KCNMA1: variants seen among roughly 807,000 people sequenced by gnomAD.
The protein encoded by KCNMA1 is potassium calcium-activated channel subfamily M alpha 1.
Under a neutral mutation model 140.0 loss-of-function variants are expected in KCNMA1, and 29 were observed. The ratio of observed to expected loss-of-function variants is 0.21; its 90% CI spans 0.15 to 0.28. The LOEUF (loss-of-function observed/expected upper bound fraction) is 0.28. Among genes scored for constraint, KCNMA1 ranks in the 10% least tolerant of loss-of-function variants. The pLI is 1.00. For missense variants in KCNMA1, 880 were observed against 1,602.2 expected (o/e 0.55, Z 7.70); for synonymous variants, 612 against 611.9 (o/e 1.00, Z 0.00).
intron 2 of KCNMA1, among the ~76,000 whole-genome samples, chr10:77,387,960 T>C (rs2095675027): frequency 6.6e-6 from 1 of 152,172 alleles, no homozygotes; most frequent in South Asian, 2.1e-4. Context: ...TGTTTGCTGC[T>C]GAACCTTAAA....
At chr10:77,600,749 A>ACAC (rs148244744) in intron 1 of KCNMA1, among the ~76,000 whole-genome samples, 1 of 66,570 alleles carries the variant, frequency 1.5e-5, no homozygotes, top group Non-Finnish European at 3.5e-5. Context: ...TCCATCTCAA[A>ACAC]CACACACACA....
intron 23 of KCNMA1, among the ~76,000 whole-genome samples, chr10:76,941,026 A>AAAGC (rs2061918715): frequency 2.1e-5 from 1 of 47,050 alleles, no homozygotes; most frequent in Non-Finnish European, 4.8e-5. Flanking sequence ...AGGAAGAAAG[A>AAAGC]AAGAAAGAAA....
At chr10:77,197,190 C>T (rs184689284) in intron 3 of KCNMA1, among the ~76,000 whole-genome samples, 81 of 152,252 alleles carry the variant, frequency 5.3e-4, no homozygotes, top group African/African-American at 1.8e-3. Flanking sequence ...ACTATGAAAA[C>T]GATCAATAAT....
At chr10:76,939,989 A>C (rs1369812335) in intron 23 of KCNMA1, among the ~76,000 whole-genome samples, 1 of 152,252 alleles carries the variant, frequency 6.6e-6, no homozygotes, top group Non-Finnish European at 1.5e-5. Flanking sequence ...AAGGGAAGTG[A>C]CAGGCACTCT....
chr10:77,008,140 CAG>C (rs1420777579), intron 18 of KCNMA1: 19 of 1,518,982 alleles, frequency 1.3e-5, no homozygotes, highest in Non-Finnish European at 1.6e-5. Context: ...TAGAGAAAGA[CAG>C]GGGGAACTGG....
At chr10:77,618,588 G>A (rs1024970435) in intron 1 of KCNMA1, among the ~76,000 whole-genome samples, 1 of 152,168 alleles carries the variant, frequency 6.6e-6, no homozygotes, top group Non-Finnish European at 1.5e-5. Flanking sequence ...ATAGCTACTG[G>A]TTCTTCAGGA....
chr10:77,386,541 T>C (rs2095609998), intron 2 of KCNMA1, among the ~76,000 whole-genome samples: 1 of 152,234 alleles, frequency 6.6e-6, no homozygotes, highest in Non-Finnish European at 1.5e-5. Flanking sequence ...GAAGGCTTTG[T>C]CTGATACCAC....
At chr10:77,575,510 T>C (rs929362487) in intron 1 of KCNMA1, among the ~76,000 whole-genome samples, 4 of 152,304 alleles carry the variant, frequency 2.6e-5, no homozygotes, top group African/African-American at 9.6e-5. Context: ...AAGCCCACTT[T>C]CTGGTGTGCC....
chr10:77,120,283 G>C (rs1461198263), intron 6 of KCNMA1, among the ~76,000 whole-genome samples: 1 of 152,134 alleles, frequency 6.6e-6, no homozygotes, highest in East Asian at 1.9e-4. Flanking sequence ...CTGCAAGCCG[G>C]CAGGTCATCA....
At chr10:77,300,562 T>C (rs1373338625) in intron 2 of KCNMA1, among the ~76,000 whole-genome samples, 1 of 152,234 alleles carries the variant, frequency 6.6e-6, no homozygotes, top group Non-Finnish European at 1.5e-5. Flanking sequence ...TGTTAATACA[T>C]ACTTAATAGA....
chr10:77,208,322 A>G (rs1371969615), intron 3 of KCNMA1, among the ~76,000 whole-genome samples: 3 of 152,142 alleles, frequency 2.0e-5, no homozygotes, highest in Non-Finnish European at 2.9e-5. Context: ...TGACCTCAAC[A>G]GGCATTAAAC....
intron 1 of KCNMA1, among the ~76,000 whole-genome samples, chr10:77,589,183 A>T (rs1445147830): frequency 6.6e-6 from 1 of 152,216 alleles, no homozygotes; most frequent in Non-Finnish European, 1.5e-5. Context: ...TACTTATAAA[A>T]CAAGAGAGGT....
intron 1 of KCNMA1, among the ~76,000 whole-genome samples, chr10:77,578,519 GGGA>G (rs2074933947): frequency 6.6e-6 from 1 of 152,212 alleles, no homozygotes; most frequent in Admixed American, 6.5e-5. Context: ...CCCCCAACGA[GGGA>G]GGAGGACTCT....
intron 3 of KCNMA1, among the ~76,000 whole-genome samples, chr10:77,218,408 G>T (rs2048482977): frequency 6.6e-6 from 1 of 152,174 alleles, no homozygotes; most frequent in Non-Finnish European, 1.5e-5. Context: ...TGCAAGACAT[G>T]CTCCATATTC....
At chr10:76,878,034 A>C in intron 29 of KCNMA1, 1 of 781,596 alleles carries the variant, frequency 1.3e-6, no homozygotes, top group Non-Finnish European at 2.2e-6. Flanking sequence ...TAAGAGAGAC[A>C]GTGCAGTGTA....
intron 2 of KCNMA1, chr10:77,315,402 C>T (rs1047771180): frequency 1.3e-5 from 2 of 152,164 alleles, no homozygotes; most frequent in Non-Finnish European, 2.9e-5. Context: ...TGATTATTCT[C>T]GGTTCTGTTG....
intron 9 of KCNMA1, among the ~76,000 whole-genome samples, chr10:77,097,548 G>A (rs1215246646): frequency 6.6e-6 from 1 of 152,166 alleles, no homozygotes; most frequent in Non-Finnish European, 1.5e-5. Flanking sequence ...AAGCCTTTTA[G>A]ACCATAGGCT....
At chr10:77,326,516 CGTGGTGGTGGTG>C (rs71477080) in intron 2 of KCNMA1, among the ~76,000 whole-genome samples, 2 of 151,318 alleles carry the variant, frequency 1.3e-5, no homozygotes, top group Admixed American at 1.3e-4. Flanking sequence ...TGAGGACGAG[CGTGGTGGTGGTG>C]GTGGTGGTGG....
At chr10:77,589,553 G>A (rs1302675518) in intron 1 of KCNMA1, among the ~76,000 whole-genome samples, 1 of 152,194 alleles carries the variant, frequency 6.6e-6, no homozygotes, top group Non-Finnish European at 1.5e-5. Context: ...CACAAAGTGT[G>A]TGTACATCCT....
Sources: gnomAD v4.1 joint callset for allele counts (sites outside exome capture counted in the v4.1 genomes callset) on GRCh38, gnomAD v4.1.1 for gene constraint, MANE v1.5 for transcripts, NCBI Gene and HGNC (gene_info 2026-07-23, HGNC 2026-07-21) for gene names.